The following KIF1B variants were observed in gnomAD, a reference collection of about 807,000 sequenced individuals.
KIF1B encodes kinesin-like protein KIF1B.
In KIF1B, 76 loss-of-function variants were observed where a neutral mutation model predicts 241.9. The observed-to-expected ratio is 0.31, with a 90% CI of 0.26 to 0.38. The LOEUF is 0.38. Ranked by LOEUF, KIF1B falls within the 10% of genes least tolerant of loss-of-function variation. The pLI is 1.00. For synonymous variants in KIF1B, 750 were observed against 796.7 expected (o/e 0.94, Z 0.99); for missense variants, 1,622 against 2,271.4 (o/e 0.71, Z 5.81).
In KIF1B at chr1:10,347,891, G is replaced by A. The variant is rs114451157; in HGVS notation, c.3864+64G>A. On this transcript the variant is annotated intron_variant, in intron 36 of 48. Coordinates refer to ENST00000676179, the MANE Select transcript of KIF1B (RefSeq NM_001365951.3). ...CTGAAAAGAATTTAGAATAAGAGAC[G>A]GAATTCTTTCTTATTCTCTGTTTTC... is the stretch of plus-strand genomic sequence containing the variant. 1.7e-3 allele frequency: 2,307 copies of A among 1,323,262 alleles called. 29 individuals carry two copies. In the African/African-American group the frequency reaches 0.029, roughly 17 times the overall value. The allele number at this position is 1,323,262 out of a possible 1,614,324, so 82.0% of individuals were successfully genotyped here.
chr1:10,303,151 G>A lies in KIF1B; in HGVS notation c.2115+5905G>A. On this transcript the variant is annotated intron_variant, in intron 22 of 48. Coordinates refer to ENST00000676179, the MANE Select transcript of KIF1B (RefSeq NM_001365951.3). The surrounding 1 kb of genome is among the most constrained non-coding windows in gnomAD (Gnocchi z 5.2). The stretch of plus-strand genomic sequence containing the variant: ...TATTTTGGGGCCATTTTTTGATTTT[G>A]TTTTTCCAAAGGACGCGGATTCTGA... 1 of 1,596,212 alleles carries A rather than the reference G, an allele frequency of 6.3e-7. No homozygotes were observed. The highest frequency in any genetic ancestry group is 2.2e-5 in the East Asian group (1 of 44,502).
chr1:10,360,051 A>T (rs971914615), intron 38 of KIF1B, among the ~76,000 whole-genome samples: 9 of 151,722 alleles, frequency 5.9e-5, no homozygotes, highest in South Asian at 2.1e-4. Flanking sequence ...AATAAAATAA[A>T]AAAATAATAA....
intron 22 of KIF1B, chr1:10,307,551 C>T: frequency 1.4e-6 from 1 of 713,792 alleles, no homozygotes; most frequent in African/African-American, 1.9e-5. Context: ...CTCAGGTGAT[C>T]CACCTGCCTT....
Position 10,295,744 on chromosome 1 carries a change from T to G in KIF1B, c.1755T>G (p.Ser585Arg). The change falls in exon 19 of 49, where the codon AGT becomes AGG. Residue 585 changes from serine to arginine, a missense_variant. Ser to Arg is a moderately radical substitution (Grantham distance 110). Coordinates refer to ENST00000676179, the MANE Select transcript of KIF1B (RefSeq NM_001365951.3). ...HIKEEHCIFR[S>R]ERSNSGEVIV... is the part of the protein sequence containing the mutation. The stretch of plus-strand genomic sequence containing the variant: ...AAGAAGAGCATTGTATCTTCCGGAG[T>G]GAGAGAAGCAACAGCGGGGAAGGTG... The G allele has an allele frequency of 1.2e-6, 2 of 1,613,668 alleles. No homozygotes were observed. The highest frequency in any genetic ancestry group is 1.7e-6 in the Non-Finnish European group (2 of 1,179,854).
intron 17 of KIF1B, among the ~76,000 whole-genome samples, chr1:10,292,960 A>T (rs943017107): frequency 2.6e-5 from 4 of 152,158 alleles, no homozygotes; most frequent in Admixed American, 6.5e-5. Context: ...GGTTCTGTTG[A>T]TGATCTCTCT....
In KIF1B at chr1:10,234,380, G is replaced by A. The variant is rs189861037; in HGVS notation, c.106+1946G>A. 3.0e-3 allele frequency among the ~76,000 whole-genome samples: 455 copies of A among 150,426 alleles called. 1 individual carries two copies. The highest frequency in any genetic ancestry group is 0.011 in the Middle Eastern group (3 of 282). ...CCACCACTATGCCTGGCTAATTTTT[G>A]TGTTTTTAGTAGAGATGGAGTTTCA... is the stretch of plus-strand genomic sequence containing the variant. On this transcript the variant is annotated intron_variant, in intron 2 of 48. Coordinates refer to ENST00000676179, the MANE Select transcript of KIF1B (RefSeq NM_001365951.3).
At chr1:10,341,185 G>GA (rs1294529810) in intron 32 of KIF1B, among the ~76,000 whole-genome samples, 1 of 152,212 alleles carries the variant, frequency 6.6e-6, no homozygotes, top group Non-Finnish European at 1.5e-5. Flanking sequence ...ATGAACATGA[G>GA]AAAATATTCA....
At chr1:10,261,082 T>C (rs1245037926) in intron 4 of KIF1B, among the ~76,000 whole-genome samples, 2 of 151,730 alleles carry the variant, frequency 1.3e-5, no homozygotes. Context: ...TTCTTGTGCC[T>C]TAGCCTCCTG....
chr1:10,353,088 A>T (rs1320198297), intron 38 of KIF1B, among the ~76,000 whole-genome samples: 2 of 152,128 alleles, frequency 1.3e-5, no homozygotes, highest in Admixed American at 6.6e-5. Flanking sequence ...CCAAGATTAA[A>T]TTTTTTCCTG....
In KIF1B at chr1:10,375,381, G is replaced by A. The variant is rs374713551; in HGVS notation, c.5408+8G>A. The A allele has an allele frequency of 1.2e-6, 2 of 1,605,398 alleles. No homozygotes were observed. Among genetic ancestry groups the A allele is most frequent in the Non-Finnish European group, 1.7e-6 (2 of 1,172,810 alleles). ...TCTAGCTGGCACAATACGGTAAGAA[G>A]TTTTGTTGTTGTTGTTGTTGTTTTT... On this transcript the variant is annotated splice_region_variant and intron_variant, in intron 48 of 48. Coordinates refer to ENST00000676179, the MANE Select transcript of KIF1B (RefSeq NM_001365951.3).
intron 7 of KIF1B, among the ~76,000 whole-genome samples, chr1:10,269,759 A>C (rs1398803306): frequency 6.6e-6 from 1 of 152,206 alleles, no homozygotes; most frequent in Non-Finnish European, 1.5e-5. Context: ...CAGAGGTTGC[A>C]GTTGGCTGAG....
rs1261718193 is a variant in KIF1B at position 10,313,584 on chromosome 1, T to A, written c.2116-6459T>A. Among the ~76,000 whole-genome samples the A allele has an allele frequency of 2.4e-4, 33 of 138,176 alleles. 2 individuals are homozygous for A. Among genetic ancestry groups the A allele is most frequent in the African/African-American group, 9.0e-4 (32 of 35,386 alleles). The allele number at this position is 138,176 out of a possible 152,430, so 90.6% of individuals were successfully genotyped here. On this transcript the variant is annotated intron_variant, in intron 22 of 48. Coordinates refer to ENST00000676179, the MANE Select transcript of KIF1B (RefSeq NM_001365951.3). ...TTTTTTTTTTGAGATGGAGTCTCGC[T>A]CTGTCGCCCAGGCTGGAGTGCAGTG...
chr1:10,232,845 T>A (rs538798496), intron 2 of KIF1B, among the ~76,000 whole-genome samples: 1 of 152,330 alleles, frequency 6.6e-6, no homozygotes, highest in South Asian at 2.1e-4. Flanking sequence ...TTTCAGTGAT[T>A]CTTTGAGTTG....
chr1:10,278,861 A>T, intron 13 of KIF1B: 1 of 450,596 alleles, frequency 2.2e-6, no homozygotes. Flanking sequence ...TTTAGTGTAA[A>T]GTTAAACTTA....
At chr1:10,371,753 C>T (rs911621027) in intron 45 of KIF1B, among the ~76,000 whole-genome samples, 5 of 151,840 alleles carry the variant, frequency 3.3e-5, no homozygotes, top group African/African-American at 9.7e-5. Flanking sequence ...GGCAACATAG[C>T]GATATGCTGT....
At chr1:10,302,525 CT>C (rs1223060592) in intron 22 of KIF1B, among the ~76,000 whole-genome samples, 2 of 152,114 alleles carry the variant, frequency 1.3e-5, no homozygotes, top group Non-Finnish European at 2.9e-5. Flanking sequence ...TGTTTGACTG[CT>C]TCTTTTTCTA....
intron 24 of KIF1B, 65 bp from the exon 25 acceptor site, chr1:10,323,819 A>G (rs1434311735): frequency 1.5e-6 from 2 of 1,304,888 alleles, no homozygotes; most frequent in Non-Finnish European, 2.2e-6. Flanking sequence ...GTATGATTGT[A>G]TCGTCTCATC....
chr1:10,250,835 A>G (rs940212812), intron 2 of KIF1B, among the ~76,000 whole-genome samples: 3 of 151,182 alleles, frequency 2.0e-5, no homozygotes, highest in African/African-American at 7.3e-5. Flanking sequence ...GGGGAAAACA[A>G]ATGGATTAGT....
At chr1:10,308,325 C>T in intron 22 of KIF1B, 1 of 1,055,918 alleles carries the variant, frequency 9.5e-7, no homozygotes, top group Middle Eastern at 4.3e-4. Flanking sequence ...TGTCATCTTT[C>T]CCAGATTTTA....
Sources: allele counts gnomAD v4.1 joint callset (sites outside exome capture counted in the v4.1 genomes callset), GRCh38; gene constraint gnomAD v4.1.1; non-coding constraint Gnocchi (gnomAD v3.1); transcripts MANE v1.5; gene names NCBI Gene and HGNC (gene_info 2026-07-23, HGNC 2026-07-21).